Variants in SPAST observed in about 807,000 individuals in gnomAD.
The protein encoded by SPAST is spastic paraplegia 4 (autosomal dominant; spastin).
A neutral mutation model predicts 76.6 loss-of-function variants in SPAST; 30 were observed. That is an observed-to-expected ratio of 0.39 (90% CI 0.29 to 0.53). The LOEUF (loss-of-function observed/expected upper bound fraction) is 0.53, where lower values mean the gene tolerates loss of function less well. Ranked by LOEUF, SPAST falls within the 20% of genes least tolerant of loss-of-function variation. The probability of loss-of-function intolerance (pLI) is 0.68; values close to 1 mark genes in which losing one functional copy is unlikely to be tolerated. For missense variants in SPAST, 717 were observed against 770.5 expected, an observed-to-expected ratio of 0.93 and a Z score of 0.82; for synonymous variants, 305 against 281.0, an observed-to-expected ratio of 1.09 and a Z score of -0.86.
At chr2:32,114,867 T>C (rs1678766996) in intron 5 of SPAST, 42 bp downstream of exon 5, 2 of 1,508,992 alleles carry the variant, frequency 1.3e-6, no homozygotes, top group Non-Finnish European at 9.2e-7. Context: ...TTTTTGCAAA[T>C]AGAAAAATTT....
chr2:32,146,021 C>A (rs1402454548), intron 15 of SPAST, among the ~76,000 whole-genome samples: 2 of 152,158 alleles, frequency 1.3e-5, no homozygotes, highest in Admixed American at 1.3e-4. Flanking sequence ...ACCAGTAACA[C>A]CTCCCGTAGT....
At chr2:32,086,104 T>C (rs1677463852) in intron 1 of SPAST, among the ~76,000 whole-genome samples, 1 of 152,068 alleles carries the variant, frequency 6.6e-6, no homozygotes, top group South Asian at 2.1e-4. Flanking sequence ...CATTGTATTA[T>C]ATTGATTTTG....
chr2:32,085,757 C>G lies in SPAST; in HGVS notation c.416-1735C>G, dbSNP rs1194506223. On this transcript the variant is annotated intron_variant, in intron 1 of 16. Coordinates refer to ENST00000315285, the MANE Select transcript of SPAST (RefSeq NM_014946.4). Reference sequence around the variant, plus strand: ...GTGTTTATAATAAGACTTCATGTGGCCAGGTGCGGTGGCTCGTGAGCGCCT... The same window carrying G: ...GTGTTTATAATAAGACTTCATGTGGGCAGGTGCGGTGGCTCGTGAGCGCCT... 1.3e-5 allele frequency among the ~76,000 whole-genome samples: 2 copies of G among 151,934 alleles called. 1 individual carries two copies. Among genetic ancestry groups the G allele is most frequent in the African/African-American group, 4.8e-5 (2 of 41,358 alleles).
intron 1 of SPAST, among the ~76,000 whole-genome samples, chr2:32,083,770 A>AC (rs1677355853): frequency 2.1e-5 from 1 of 48,018 alleles, no homozygotes; most frequent in Non-Finnish European, 4.3e-5. Flanking sequence ...ATATATATAT[A>AC]TATATATTTT....
chr2:32,066,994 C>CAAAAAAAAAAAAA lies in SPAST; in HGVS notation c.415+2749_415+2761dup, dbSNP rs1553395256. Among the ~76,000 whole-genome samples the CAAAAAAAAAAAAA allele has an allele frequency of 8.5e-5, 4 of 47,124 alleles. No individual in the cohort carries two copies. The South Asian group carries it at 4.1e-3, about 49-fold the overall frequency. 30.9% of individuals were successfully genotyped at this position (47,124 alleles called of 152,430 possible). The stretch of plus-strand genomic sequence containing the variant: ...TCTCAAAAAAAAAAAAAAAAAAAAC[C>CAAAAAAAAAAAAA]AAAAAAAAAAAAACTGTTTTAATTG... On this transcript the variant is annotated intron_variant, in intron 1 of 16. Coordinates refer to ENST00000315285, the MANE Select transcript of SPAST (RefSeq NM_014946.4).
intron 3 of SPAST, among the ~76,000 whole-genome samples, chr2:32,091,295 A>C (rs997600842): frequency 2.0e-4 from 23 of 113,190 alleles, no homozygotes; most frequent in Admixed American, 3.8e-4. Context: ...TATTATTATT[A>C]TTCGAGATGG....
chr2:32,063,773 T>G lies in SPAST; in HGVS notation c.-59T>G. The G allele has an allele frequency of 2.0e-6, 3 of 1,532,962 alleles. No individual in the cohort carries two copies. The highest frequency in any genetic ancestry group is 2.6e-6 in the Non-Finnish European group (3 of 1,146,402). 95.0% of individuals were successfully genotyped at this position (1,532,962 alleles called of 1,614,324 possible). On this transcript the variant is annotated 5_prime_UTR_variant, in exon 1 of 17. Coordinates refer to ENST00000315285, the MANE Select transcript of SPAST (RefSeq NM_014946.4). The stretch of plus-strand genomic sequence containing the variant: ...CCGTAGCAGTGGCTGCCGCCGTCGC[T>G]TGGTTCCCGTCGGTCTGCGGGAGGC...
intron 12 of SPAST, among the ~76,000 whole-genome samples, chr2:32,141,569 G>T (rs572810492): frequency 3.3e-5 from 5 of 152,240 alleles, no homozygotes; most frequent in East Asian, 3.9e-4. Context: ...TGTTGATGAA[G>T]TGTATGTTTC....
chr2:32,092,881 C>A (rs1487918250), intron 3 of SPAST, among the ~76,000 whole-genome samples: 2 of 151,994 alleles, frequency 1.3e-5, no homozygotes, highest in Admixed American at 1.3e-4. Context: ...GTGGTACGCA[C>A]CTGTAATCCC....
intron 1 of SPAST, among the ~76,000 whole-genome samples, chr2:32,084,597 T>C (rs1677395263): frequency 6.6e-6 from 1 of 151,578 alleles, no homozygotes; most frequent in African/African-American, 2.4e-5. Context: ...ATAGAAAAAA[T>C]GGTTGAGGCT....
At chr2:32,149,081 TA>T (rs1446264167) in intron 16 of SPAST, among the ~76,000 whole-genome samples, 3 of 151,984 alleles carry the variant, frequency 2.0e-5, no homozygotes, top group Non-Finnish European at 2.9e-5. Flanking sequence ...CAATAACCTT[TA>T]TTTTTTTAAT....
At chr2:32,128,725 C>T (rs1254353010) in intron 9 of SPAST, 2 of 487,024 alleles carry the variant, frequency 4.1e-6, no homozygotes, top group East Asian at 7.9e-5. Flanking sequence ...TAAACATCAG[C>T]AATTTATTGT....
chr2:32,129,292 G>A (rs950230788), intron 9 of SPAST: 17 of 147,036 alleles, frequency 1.2e-4, no homozygotes, highest in Non-Finnish European at 2.2e-4. Context: ...GTCTCGCTAT[G>A]TTGCCAGGCT....
intron 4 of SPAST, among the ~76,000 whole-genome samples, chr2:32,105,628 G>T (rs1217404805): frequency 1.3e-5 from 2 of 152,178 alleles, no homozygotes; most frequent in African/African-American, 4.8e-5. Context: ...GTGACGTACA[G>T]ATGGGGTTTT....
chr2:32,075,334 G>A (rs1254537198), intron 1 of SPAST, among the ~76,000 whole-genome samples: 1 of 149,634 alleles, frequency 6.7e-6, no homozygotes, highest in African/African-American at 2.5e-5. Flanking sequence ...GCTGAGGCAG[G>A]AGAGTGGCGA....
At chr2:32,098,346 CAACTACTCAGGAGA>C (rs1677999202) in intron 3 of SPAST, among the ~76,000 whole-genome samples, 1 of 152,066 alleles carries the variant, frequency 6.6e-6, no homozygotes, top group Non-Finnish European at 1.5e-5. Context: ...TATGTAGTGT[CAACTACTCAGGAGA>C]CTGAGGCAGA....
At chr2:32,149,142 TGCAGTG>T (rs1403461084) in intron 16 of SPAST, among the ~76,000 whole-genome samples, 1 of 151,946 alleles carries the variant, frequency 6.6e-6, no homozygotes, top group Non-Finnish European at 1.5e-5. Context: ...CAGGCTGCAG[TGCAGTG>T]GCACCATCTT....
intron 4 of SPAST, among the ~76,000 whole-genome samples, chr2:32,100,075 A>T (rs1678061806): frequency 6.6e-6 from 1 of 152,092 alleles, no homozygotes; most frequent in South Asian, 2.1e-4. Flanking sequence ...GTAGTTTTTG[A>T]GGAACCTCCA....
intron 9 of SPAST, among the ~76,000 whole-genome samples, chr2:32,136,071 C>G (rs1679526050): frequency 6.9e-6 from 1 of 145,640 alleles, no homozygotes; most frequent in Admixed American, 7.0e-5. Flanking sequence ...GAGCAAAACT[C>G]TGTCTCAAAA....
Sources: gnomAD v4.1 joint callset for allele counts (sites outside exome capture counted in the v4.1 genomes callset) on GRCh38, gnomAD v4.1.1 for gene constraint, MANE v1.5 for transcripts, NCBI Gene and HGNC (gene_info 2026-07-23, HGNC 2026-07-21) for gene names.